The following WDR43 variants were observed in gnomAD, a reference collection of about 807,000 sequenced individuals.
WDR43 encodes WD repeat-containing protein 43.
In WDR43, 13 loss-of-function variants were observed where a neutral mutation model predicts 91.4. The observed-to-expected ratio is 0.14, with a 90% CI of 0.09 to 0.23. The LOEUF (loss-of-function observed/expected upper bound fraction) is 0.23, where lower values mean the gene tolerates loss of function less well. Among genes scored for constraint, WDR43 ranks in the 10% least tolerant of loss-of-function variants. The pLI is 1.00. For missense variants in WDR43, 780 were observed against 809.4 expected (o/e 0.96, Z 0.44); for synonymous variants, 331 against 287.9 (o/e 1.15, Z -1.51).
chr2:28,927,777 A>G, intron 10 of WDR43, 77 bp downstream of exon 10: 1 of 1,570,234 alleles, frequency 6.4e-7, no homozygotes, highest in Non-Finnish European at 8.7e-7. Flanking sequence ...TGTGTTGGAT[A>G]GAGCCAAAGT....
chr2:28,943,366 T>C (rs1671484870), intron 16 of WDR43, among the ~76,000 whole-genome samples: 3 of 152,132 alleles, frequency 2.0e-5, no homozygotes, highest in African/African-American at 7.2e-5. Flanking sequence ...CACCGTGGCC[T>C]CAAAAACGGT....
chr2:28,902,096 T>C lies in WDR43; in HGVS notation c.335T>C (p.Val112Ala), dbSNP rs760594569. The C allele has an allele frequency of 2.5e-6, 4 of 1,594,094 alleles. No individual in the cohort carries two copies. ...GGTAGCATTTTATTATACAGCACAGTAAAAGGAGAGTTACACAGTAAATTA... is the reference window on the plus strand; with the variant it reads ...GGTAGCATTTTATTATACAGCACAGCAAAAGGAGAGTTACACAGTAAATTA... ...AVGSILLYST[V>A]KGELHSKLIS... The change falls in exon 2 of 18, where the codon GTA (valine) becomes GCA (alanine). Residue 112 changes from valine to alanine, a missense_variant. Coordinates refer to ENST00000407426, the MANE Select transcript of WDR43 (RefSeq NM_015131.3).
At chr2:28,932,006 T>A (rs1415613013) in intron 11 of WDR43, among the ~76,000 whole-genome samples, 3 of 151,624 alleles carry the variant, frequency 2.0e-5, no homozygotes, top group Admixed American at 2.0e-4. Flanking sequence ...CTCCTGAGTA[T>A]CTGGGACTGC....
At chr2:28,944,807 G>T (rs781710388) in intron 16 of WDR43, among the ~76,000 whole-genome samples, 2 of 152,240 alleles carry the variant, frequency 1.3e-5, no homozygotes, top group Non-Finnish European at 2.9e-5. Context: ...ACGACTAACG[G>T]GTGGCTAGTG....
Position 28,935,562 on chromosome 2 carries a change from T to G in WDR43, c.1479T>G (p.Thr493=). The change falls in exon 12 of 18, where the codon ACT becomes ACG. Residue 493 remains threonine, a synonymous_variant. Transcript: ENST00000407426. ...GGAATGTAAACCTTATAAAGAAGAC[T>G]GTATTAAGGATGCCCCTGCATACTA... ...QTRNVNLIKK[T]VLRMPLHTII... 7.5e-6 allele frequency: 12 copies of G among 1,600,282 alleles called. No homozygotes were observed. The highest frequency in any genetic ancestry group is 1.0e-5 in the Non-Finnish European group (12 of 1,175,046).
At position 28,926,563 on chromosome 2, in the gene WDR43, A is replaced by G. The variant is rs766335475; in HGVS notation, c.1173+9A>G. The G allele has an allele frequency of 6.4e-7, 1 of 1,574,104 alleles. No homozygotes were observed. The highest frequency in any genetic ancestry group is 1.4e-5 in the African/African-American group (1 of 73,904). On this transcript the variant is annotated intron_variant, in intron 9 of 17. Coordinates refer to ENST00000407426, the MANE Select transcript of WDR43 (RefSeq NM_015131.3). ...AAACAGCTATAACAAAGGTGAGCAC[A>G]TTACAAATTTGAAGTTTTAAGAAAA...
At chr2:28,929,509 T>A (rs1459169562) in intron 10 of WDR43, 70 bp from the exon 11 acceptor site, 2 of 1,228,042 alleles carry the variant, frequency 1.6e-6, no homozygotes, top group South Asian at 4.5e-5. Flanking sequence ...TATTTTATTT[T>A]ATTTTTTTTG....
At chr2:28,936,727 C>T (rs1011040538) in intron 12 of WDR43, among the ~76,000 whole-genome samples, 195 bp from the exon 13 acceptor site, 1 of 152,174 alleles carries the variant, frequency 6.6e-6, no homozygotes, top group African/African-American at 2.4e-5. Flanking sequence ...GACATTCCTT[C>T]ATATAAGTCC....
intron 5 of WDR43, among the ~76,000 whole-genome samples, chr2:28,915,477 A>G (rs1335835958): frequency 6.6e-6 from 1 of 152,252 alleles, no homozygotes; most frequent in Non-Finnish European, 1.5e-5. Flanking sequence ...TCCAGCTACA[A>G]AATTTCATTA....
chr2:28,935,482 C>CA, intron 11 of WDR43, 39 bp from the exon 12 acceptor site: 1 of 1,401,200 alleles, frequency 7.1e-7, no homozygotes, highest in Middle Eastern at 1.8e-4. Flanking sequence ...CTTGGTTTGT[C>CA]AGTATGCTCA....
chr2:28,935,749 A>C (rs1004262685), intron 12 of WDR43, 142 bp downstream of exon 12: 4 of 21,004 alleles, frequency 1.9e-4, no homozygotes, highest in East Asian at 3.8e-3. Context: ...ACTTTAGACA[A>C]AAAAAAAAAA....
intron 8 of WDR43, among the ~76,000 whole-genome samples, chr2:28,925,804 TAAA>T (rs902047021): frequency 6.6e-6 from 1 of 152,086 alleles, no homozygotes; most frequent in African/African-American, 2.4e-5. Flanking sequence ...ATTAAAAAAA[TAAA>T]AAAAGGAGAA....
At chr2:28,935,747 CAAAA>C (rs58846266) in intron 12 of WDR43, 140 bp downstream of exon 12, 58,915 of 242,642 alleles carry the variant, frequency 0.24, 4,076 homozygotes, top group East Asian at 0.48. Flanking sequence ...GTACTTTAGA[CAAAA>C]AAAAAAAAAA....
chr2:28,926,672 T>G, intron 9 of WDR43, 118 bp downstream of exon 9: 2 of 892,952 alleles, frequency 2.2e-6, no homozygotes, highest in Non-Finnish European at 3.3e-6. Flanking sequence ...TTTATTCTCT[T>G]GTCTTATAAA....
intron 2 of WDR43, among the ~76,000 whole-genome samples, chr2:28,902,328 A>G (rs1164309022): frequency 6.6e-6 from 1 of 152,248 alleles, no homozygotes; most frequent in Non-Finnish European, 1.5e-5. Context: ...GGGTCAGAGT[A>G]TGAAGACTTA....
At chr2:28,940,533 A>T (rs1257152604) in intron 14 of WDR43, among the ~76,000 whole-genome samples, 2 of 152,190 alleles carry the variant, frequency 1.3e-5, no homozygotes, top group Non-Finnish European at 2.9e-5. Flanking sequence ...CCCAGCTGCC[A>T]GCGTTGTTCT....
At chr2:28,897,699 G>T (rs1312386151) in intron 1 of WDR43, among the ~76,000 whole-genome samples, 1 of 152,226 alleles carries the variant, frequency 6.6e-6, no homozygotes, top group Non-Finnish European at 1.5e-5. Context: ...GTGTGGTGAT[G>T]ATAACTCATC....
intron 9 of WDR43, chr2:28,926,944 G>A (rs1373651995): frequency 7.3e-6 from 3 of 411,414 alleles, no homozygotes; most frequent in Non-Finnish European, 1.5e-5. Context: ...AACCGTCATG[G>A]GGCTAGAATA....
chr2:28,940,382 A>T (rs1466490980), intron 14 of WDR43, among the ~76,000 whole-genome samples: 1 of 152,056 alleles, frequency 6.6e-6, no homozygotes, highest in African/African-American at 2.4e-5. Context: ...GGCACATGCC[A>T]CCATGCCTGG....
Sources: gnomAD v4.1 joint callset for allele counts (sites outside exome capture counted in the v4.1 genomes callset) on GRCh38, gnomAD v4.1.1 for gene constraint, MANE v1.5 for transcripts, NCBI Gene and HGNC (gene_info 2026-07-23, HGNC 2026-07-21) for gene names.